Variants in CSMD2 observed in about 807,000 individuals in gnomAD.
CSMD2 encodes CUB and sushi domain-containing protein 2.
In CSMD2, 130 loss-of-function variants were observed where a neutral mutation model predicts 398.5. The observed-to-expected ratio is 0.33, with a 90% CI of 0.28 to 0.38. The LOEUF (loss-of-function observed/expected upper bound fraction) is 0.38. Ranked by LOEUF, CSMD2 falls within the 10% of genes least tolerant of loss-of-function variation. The pLI is 1.00. For missense variants in CSMD2, 3,829 were observed against 4,764.9 expected, an observed-to-expected ratio of 0.80 and a Z score of 5.78; for synonymous variants, 1,828 against 1,908.5, an observed-to-expected ratio of 0.96 and a Z score of 1.10.
At chr1:33,907,365 G>T (rs1003254274) in intron 5 of CSMD2, among the ~76,000 whole-genome samples, 8 of 151,430 alleles carry the variant, frequency 5.3e-5, no homozygotes, top group Non-Finnish European at 7.4e-5. Context: ...CTGACCTCGT[G>T]ATCCGCCCAC....
At chr1:33,861,862 G>A (rs188922449) in intron 5 of CSMD2, among the ~76,000 whole-genome samples, 20 of 152,256 alleles carry the variant, frequency 1.3e-4, no homozygotes, top group Admixed American at 1.2e-3. Context: ...TTCAGTCCAG[G>A]GACACAGAAC....
intron 44 of CSMD2, among the ~76,000 whole-genome samples, chr1:33,594,471 C>A (rs1286819749): frequency 6.6e-6 from 1 of 152,172 alleles, no homozygotes; most frequent in Non-Finnish European, 1.5e-5. Flanking sequence ...TACTCCTCAC[C>A]CTTACAAGTT....
chr1:33,717,424 A>G (rs1646209685), intron 19 of CSMD2, among the ~76,000 whole-genome samples: 1 of 151,994 alleles, frequency 6.6e-6, no homozygotes. Context: ...GGGTCAGGGT[A>G]GGGTAGCCAA....
At chr1:33,732,406 G>A (rs527460014) in intron 15 of CSMD2, among the ~76,000 whole-genome samples, 17 of 152,288 alleles carry the variant, frequency 1.1e-4, no homozygotes, top group African/African-American at 4.1e-4. Context: ...AGGTAAATAA[G>A]GTTAAATGAG....
At chr1:33,921,883 G>A (rs1018084420) in intron 4 of CSMD2, among the ~76,000 whole-genome samples, 7 of 152,156 alleles carry the variant, frequency 4.6e-5, no homozygotes, top group African/African-American at 1.4e-4. Flanking sequence ...GAAGGTTGCC[G>A]GTGGGGAGAT....
At chr1:34,132,672 A>G (rs1663485201) in intron 1 of CSMD2, among the ~76,000 whole-genome samples, 1 of 152,218 alleles carries the variant, frequency 6.6e-6, no homozygotes, top group South Asian at 2.1e-4. Flanking sequence ...CCCCGAAAGA[A>G]GAAATAGACA....
chr1:33,547,149 C>T (rs1255874453), intron 56 of CSMD2, among the ~76,000 whole-genome samples: 1 of 152,210 alleles, frequency 6.6e-6, no homozygotes, highest in Non-Finnish European at 1.5e-5. Flanking sequence ...GCTTCACCCC[C>T]TTCCTCTTGC....
At chr1:33,594,261 G>C (rs1639692472) in intron 44 of CSMD2, among the ~76,000 whole-genome samples, 1 of 152,162 alleles carries the variant, frequency 6.6e-6, no homozygotes, top group Non-Finnish European at 1.5e-5. Flanking sequence ...GCTTGAGATA[G>C]AGTGGCAATA....
chr1:33,951,878 C>T (rs564496995), intron 3 of CSMD2, among the ~76,000 whole-genome samples: 12 of 152,254 alleles, frequency 7.9e-5, no homozygotes, highest in Non-Finnish European at 1.5e-4. Flanking sequence ...TGCCCTTTCA[C>T]GCCCCTTGGC....
intron 3 of CSMD2, among the ~76,000 whole-genome samples, chr1:33,970,425 C>T (rs1439766744): frequency 1.3e-5 from 2 of 152,166 alleles, no homozygotes; most frequent in African/African-American, 4.8e-5. Flanking sequence ...TCTCTGCTCC[C>T]GTAAAGTGAG....
chr1:33,831,315 G>C (rs546906386), intron 6 of CSMD2, among the ~76,000 whole-genome samples: 25 of 152,132 alleles, frequency 1.6e-4, no homozygotes, highest in Admixed American at 1.6e-3. Flanking sequence ...CGGATTTCTC[G>C]GCAGAAACTC....
intron 29 of CSMD2, among the ~76,000 whole-genome samples, chr1:33,643,895 AAGG>A (rs1643260199): frequency 9.1e-6 from 1 of 110,424 alleles, no homozygotes; most frequent in Admixed American, 8.0e-5. Context: ...GGAATGAAGG[AAGG>A]AAGGAAGGAA....
chr1:33,533,289 C>A lies in CSMD2; in HGVS notation c.9992-60G>T. The A allele has an allele frequency of 6.9e-7, 1 of 1,448,238 alleles. No individual in the cohort carries two copies. The highest frequency in any genetic ancestry group is 9.6e-7 in the Non-Finnish European group (1 of 1,045,200). 89.7% of individuals were successfully genotyped at this position (1,448,238 alleles called of 1,614,324 possible). A position where few individuals can be genotyped will look rare whatever the true frequency, so the allele number is the denominator to read the frequency against. On this transcript the variant is annotated intron_variant, in intron 63 of 70. Transcript: ENST00000373381. This position sits in a 1 kb window ranked among gnomAD's most constrained non-coding sequence, Gnocchi z 4.2. ...AGATTAGGGGCTTCAGGGGCCCTTT[C>A]GACCATTCCCCTGTTCCTAGATAGA...
At position 33,661,756 on chromosome 1, in the gene CSMD2, A is replaced by C. The variant is rs112533603; in HGVS notation, c.4255+1134T>G. On this transcript the variant is annotated intron_variant, in intron 26 of 70. Transcript: ENST00000373381. Reference sequence around the variant, plus strand: ...AAATGCTTATTTCCACAGAGATGACAGACGTAGCAGAAAAGAGCTAGAAGC... The same window carrying C: ...AAATGCTTATTTCCACAGAGATGACCGACGTAGCAGAAAAGAGCTAGAAGC... 1.1e-3 allele frequency among the ~76,000 whole-genome samples: 169 copies of C among 152,340 alleles called. 1 individual carries two copies. Among genetic ancestry groups the C allele is most frequent in the African/African-American group, 3.8e-3 (158 of 41,580 alleles).
chr1:34,032,117 CT>C (rs1650522918), intron 3 of CSMD2, among the ~76,000 whole-genome samples: 1 of 152,146 alleles, frequency 6.6e-6, no homozygotes, highest in Non-Finnish European at 1.5e-5. Flanking sequence ...CCAAAAGCCC[CT>C]AATCCATGCT....
At chr1:33,637,066 C>T (rs1237075679) in intron 29 of CSMD2, among the ~76,000 whole-genome samples, 2 of 152,358 alleles carry the variant, frequency 1.3e-5, no homozygotes, top group Middle Eastern at 3.4e-3. Context: ...TGGAGATGCT[C>T]TTTCTCTTCC....
intron 1 of CSMD2, among the ~76,000 whole-genome samples, chr1:34,116,745 T>C (rs1661641084): frequency 6.6e-6 from 1 of 152,082 alleles, no homozygotes; most frequent in South Asian, 2.1e-4. Context: ...TGCTAGGCCA[T>C]AAAATAAGTC....
Position 34,026,680 on chromosome 1 carries a change from C to T in CSMD2, c.517+5914G>A, listed in dbSNP as rs184336458. 1.6e-4 allele frequency among the ~76,000 whole-genome samples: 24 copies of T among 152,326 alleles called. 1 individual carries two copies. The East Asian group carries it at 4.6e-3, about 29-fold the overall frequency. On this transcript the variant is annotated intron_variant, in intron 3 of 70. Coordinates refer to ENST00000373381, the MANE Select transcript of CSMD2 (RefSeq NM_001281956.2). ...CTGCCCATCACGCTCGCTTACCTGGCGATCAGTCTGGAATAATCGGAAACA... is the reference window on the plus strand; with the variant it reads ...CTGCCCATCACGCTCGCTTACCTGGTGATCAGTCTGGAATAATCGGAAACA...
chr1:33,580,847 A>G lies in CSMD2; in HGVS notation c.7293T>C (p.Ala2431=). The change falls in exon 48 of 71, where the codon GCT becomes GCC. Residue 2431 remains alanine (A), a synonymous_variant. Transcript: ENST00000373381. ...LLKALSGNYS[A]PLIVTSSSNS... The stretch of plus-strand genomic sequence containing the variant: ...TGCTTGAGCTGGTGACAATCAGGGG[A>G]GCTGAGTAATTCCCACTGAGGGCTT... 1 of 1,614,058 alleles carries G rather than the reference A, an allele frequency of 6.2e-7. No individual in the cohort carries two copies.
Sources: allele counts gnomAD v4.1 joint callset (sites outside exome capture counted in the v4.1 genomes callset), GRCh38; gene constraint gnomAD v4.1.1; non-coding constraint Gnocchi (gnomAD v3.1); transcripts MANE v1.5; gene names NCBI Gene and HGNC (gene_info 2026-07-23, HGNC 2026-07-21).